STAU2: variants seen among roughly 807,000 people sequenced by gnomAD.
The protein encoded by STAU2 is double-stranded RNA-binding protein Staufen homolog 2.
Under a neutral mutation model 65.9 loss-of-function variants are expected in STAU2, and 20 were observed. The ratio of observed to expected loss-of-function variants is 0.30; its 90% confidence interval spans 0.21 to 0.44. STAU2 has a LOEUF of 0.44. Ranked by LOEUF, STAU2 falls within the 20% of genes least tolerant of loss-of-function variation. STAU2 has a pLI of 1.00. For missense variants in STAU2, 558 were observed against 683.9 expected, an observed-to-expected ratio of 0.82 and a Z score of 2.05; for synonymous variants, 232 against 233.9, an observed-to-expected ratio of 0.99 and a Z score of 0.07.
chr8:73,681,667 A>G (rs1399077523), intron 5 of STAU2, among the ~76,000 whole-genome samples: 1 of 152,170 alleles, frequency 6.6e-6, no homozygotes, highest in Non-Finnish European at 1.5e-5. Flanking sequence ...TGCTCCACTT[A>G]AAAGATACAG....
chr8:73,439,980 C>A (rs1326676223), intron 13 of STAU2: 2 of 152,278 alleles, frequency 1.3e-5, no homozygotes, highest in Non-Finnish European at 2.9e-5. Flanking sequence ...AAGAGCCCGA[C>A]CATGTCCTGG....
chr8:73,475,193 C>T (rs1350450881), intron 13 of STAU2, among the ~76,000 whole-genome samples: 1 of 152,130 alleles, frequency 6.6e-6, no homozygotes. Flanking sequence ...ACTGATTACA[C>T]AGGTGTGTTC....
At chr8:73,631,993 A>AG (rs1328972053) in intron 6 of STAU2, among the ~76,000 whole-genome samples, 12 of 123,856 alleles carry the variant, frequency 9.7e-5, no homozygotes, top group South Asian at 8.7e-4. Context: ...CGAGGCAAGA[A>AG]GGGGGGAGGA....
chr8:73,627,316 C>T (rs1020501675), intron 6 of STAU2, among the ~76,000 whole-genome samples: 5 of 142,832 alleles, frequency 3.5e-5, no homozygotes, highest in Non-Finnish European at 6.0e-5. Flanking sequence ...GGTCTAGAAA[C>T]ACTTGCTAAA....
At chr8:73,563,321 C>A (rs1417165567) in intron 12 of STAU2, among the ~76,000 whole-genome samples, 1 of 152,066 alleles carries the variant, frequency 6.6e-6, no homozygotes, top group Non-Finnish European at 1.5e-5. Context: ...ATAGGATGCC[C>A]CCCACCTCCG....
chr8:73,595,320 T>C (rs1336143877), intron 10 of STAU2, 23 bp from the exon 11 acceptor site: 3 of 1,564,000 alleles, frequency 1.9e-6, no homozygotes, highest in South Asian at 2.5e-5. Context: ...AAGAAATAAA[T>C]TAAAGAAATA....
At chr8:73,610,450 C>A (rs1373079140) in intron 9 of STAU2, among the ~76,000 whole-genome samples, 1 of 148,876 alleles carries the variant, frequency 6.7e-6, no homozygotes, top group East Asian at 2.0e-4. Context: ...ATGGGAGAAT[C>A]GTTTGAACCC....
chr8:73,646,062 CTATT>C lies in STAU2; in HGVS notation c.410+27041_410+27044del, dbSNP rs748590482. On this transcript the variant is annotated intron_variant, in intron 6 of 14. Coordinates refer to ENST00000524300, the MANE Select transcript of STAU2 (RefSeq NM_001164380.2). ...CAGAAACAAAGAAATAAAAATGTCC[CTATT>C]TAAAGATGAAATAATTGTCTGTGTA... 1.4e-4 allele frequency among the ~76,000 whole-genome samples: 22 copies of C among 152,046 alleles called. 1 individual carries two copies. Among genetic ancestry groups the C allele is most frequent in the South Asian group, 6.2e-4 (3 of 4,826 alleles).
intron 13 of STAU2, among the ~76,000 whole-genome samples, chr8:73,513,839 C>G (rs959397424): frequency 2.0e-5 from 3 of 152,134 alleles, no homozygotes; most frequent in African/African-American, 7.2e-5. Context: ...ATCAGTGAAA[C>G]TGATGGTTTT....
intron 6 of STAU2, among the ~76,000 whole-genome samples, chr8:73,639,883 A>C (rs1239175121): frequency 2.0e-5 from 3 of 152,146 alleles, no homozygotes; most frequent in African/African-American, 7.2e-5. Flanking sequence ...ATACAAATAG[A>C]TACATAAAAT....
chr8:73,714,328 A>G (rs1821100918), intron 3 of STAU2, among the ~76,000 whole-genome samples: 1 of 152,194 alleles, frequency 6.6e-6, no homozygotes, highest in African/African-American at 2.4e-5. Context: ...GGACCCTTTC[A>G]TGGGCTCTTG....
chr8:73,421,294 T>G lies in STAU2; in HGVS notation c.*78A>C. On this transcript the variant is annotated 3_prime_UTR_variant, in exon 15 of 15. Coordinates refer to ENST00000524300, the MANE Select transcript of STAU2 (RefSeq NM_001164380.2). Reference sequence around the variant, plus strand: ...CTCAAATAATGGTATTAGTCATTCATTTCCCTGAACACAGACACCCTCATG... The same window carrying G: ...CTCAAATAATGGTATTAGTCATTCAGTTCCCTGAACACAGACACCCTCATG... The G allele has an allele frequency of 8.0e-7, 1 of 1,253,278 alleles. No homozygotes were observed. The highest frequency in any genetic ancestry group is 2.0e-5 in the Admixed American group (1 of 50,120). 77.6% of individuals were successfully genotyped at this position (1,253,278 alleles called of 1,614,324 possible).
intron 13 of STAU2, among the ~76,000 whole-genome samples, chr8:73,531,942 CAA>C (rs1336631649): frequency 1.3e-5 from 2 of 152,060 alleles, no homozygotes; most frequent in Non-Finnish European, 2.9e-5. Flanking sequence ...TAGAAAATTA[CAA>C]AAGAGTCATC....
chr8:73,472,466 C>T (rs1028378941), intron 13 of STAU2, among the ~76,000 whole-genome samples: 1 of 152,014 alleles, frequency 6.6e-6, no homozygotes, highest in African/African-American at 2.4e-5. Context: ...TTTTTTTCTC[C>T]TGGGTGTTCA....
chr8:73,475,330 T>C (rs913390278), intron 13 of STAU2, among the ~76,000 whole-genome samples: 25 of 152,328 alleles, frequency 1.6e-4, no homozygotes, highest in African/African-American at 5.1e-4. Flanking sequence ...TAGACTTGCT[T>C]TGACGTGTGC....
chr8:73,585,588 A>G (rs559755753), intron 11 of STAU2, among the ~76,000 whole-genome samples: 1 of 152,340 alleles, frequency 6.6e-6, no homozygotes, highest in African/African-American at 2.4e-5. Context: ...TTGTTTGAAG[A>G]GTAAGGGGAA....
chr8:73,716,832 G>T lies in STAU2; in HGVS notation c.-17-7670C>A, dbSNP rs529164823. On this transcript the variant is annotated intron_variant, in intron 3 of 14. Coordinates refer to ENST00000524300, the MANE Select transcript of STAU2 (RefSeq NM_001164380.2). ...AAAGATTTTCTTCTAGGCCAGGCGC[G>T]GTGGCTCACGCCTGTAATCCCAGTA... is the stretch of plus-strand genomic sequence containing the variant. Among the ~76,000 whole-genome samples the T allele has an allele frequency of 3.9e-5, 6 of 152,130 alleles. No individual in the cohort carries two copies. In the East Asian group the frequency reaches 5.8e-4, roughly 15 times the overall value.
At chr8:73,580,172 G>A (rs1563436523) in intron 12 of STAU2, among the ~76,000 whole-genome samples, 1 of 152,110 alleles carries the variant, frequency 6.6e-6, no homozygotes, top group Non-Finnish European at 1.5e-5. Context: ...TTGAAGCAAT[G>A]TAGAGTTTAA....
At chr8:73,664,807 A>C (rs1282681240) in intron 6 of STAU2, among the ~76,000 whole-genome samples, 1 of 152,156 alleles carries the variant, frequency 6.6e-6, no homozygotes, top group Non-Finnish European at 1.5e-5. Flanking sequence ...CCTGGGCAAC[A>C]TGTTGAAACC....
Sources: allele counts gnomAD v4.1 joint callset (sites outside exome capture counted in the v4.1 genomes callset), GRCh38; gene constraint gnomAD v4.1.1; transcripts MANE v1.5; gene names NCBI Gene and HGNC (gene_info 2026-07-23, HGNC 2026-07-21).